Variants in AUTS2 observed in about 807,000 individuals in gnomAD.
The protein encoded by AUTS2 is autism susceptibility gene 2 protein.
In AUTS2, 17 loss-of-function variants were observed where a neutral mutation model predicts 112.4. The observed-to-expected ratio is 0.15, with a 90% CI of 0.10 to 0.23. The LOEUF is 0.23. AUTS2 is among the 10% of genes least tolerant of loss of function. AUTS2 has a pLI of 1.00. For synonymous variants in AUTS2, 751 were observed against 702.7 expected (o/e 1.07, Z -1.09); for missense variants, 1,510 against 1,701.6 (o/e 0.89, Z 1.98).
At chr7:69,986,275 G>C (rs1057157146) in intron 2 of AUTS2, among the ~76,000 whole-genome samples, 1 of 152,240 alleles carries the variant, frequency 6.6e-6, no homozygotes, top group African/African-American at 2.4e-5. Context: ...ATGCCTAGCA[G>C]TGAGTAAGAA....
chr7:70,771,237 G>A (rs901383293), intron 10 of AUTS2: 1 of 186,820 alleles, frequency 5.4e-6, no homozygotes, highest in Admixed American at 6.1e-5. Flanking sequence ...TTTTTGAAAT[G>A]CATTAAAATC....
Position 70,422,025 on chromosome 7 carries a change from T to C in AUTS2, c.661-13727T>C, listed in dbSNP as rs17141586. 2.1e-3 allele frequency among the ~76,000 whole-genome samples: 322 copies of C among 152,286 alleles called. 1 individual carries two copies. The highest frequency in any genetic ancestry group is 7.5e-3 in the African/African-American group (311 of 41,566). On this transcript the variant is annotated intron_variant, in intron 4 of 18. Transcript: ENST00000342771. Reference sequence around the variant, plus strand: ...ACTGTTTTTGTTGGGTACAGTTTAATTGAAAATCTGTTATGAGTATGAGGA... The same window carrying C: ...ACTGTTTTTGTTGGGTACAGTTTAACTGAAAATCTGTTATGAGTATGAGGA...
chr7:70,289,204 CAT>C (rs1481271811), intron 4 of AUTS2, among the ~76,000 whole-genome samples: 3 of 152,310 alleles, frequency 2.0e-5, no homozygotes, highest in African/African-American at 2.4e-5. Context: ...AATAGGTTAA[CAT>C]GTGTGATTGC....
chr7:69,723,972 T>C (rs1367904507), intron 1 of AUTS2, among the ~76,000 whole-genome samples: 4 of 152,038 alleles, frequency 2.6e-5, no homozygotes, highest in South Asian at 2.1e-4. Context: ...TGGAAGGTGA[T>C]AGATGAGTGG....
chr7:70,491,293 T>C (rs911328180), intron 5 of AUTS2, among the ~76,000 whole-genome samples: 2 of 151,998 alleles, frequency 1.3e-5, no homozygotes, highest in African/African-American at 4.8e-5. Context: ...AACCAGATTC[T>C]GATCCTGGGC....
At chr7:69,807,927 A>G (rs1355091717) in intron 1 of AUTS2, among the ~76,000 whole-genome samples, 1 of 150,976 alleles carries the variant, frequency 6.6e-6, no homozygotes, top group Non-Finnish European at 1.5e-5. Flanking sequence ...AGGGGAGGAG[A>G]ATTAGGCCCA....
At chr7:70,549,451 A>C (rs1439805725) in intron 5 of AUTS2, among the ~76,000 whole-genome samples, 1 of 152,230 alleles carries the variant, frequency 6.6e-6, no homozygotes, top group Non-Finnish European at 1.5e-5. Flanking sequence ...TGAGGAGACA[A>C]AAGAGGCAAC....
At chr7:70,397,350 C>G (rs892242087) in intron 4 of AUTS2, among the ~76,000 whole-genome samples, 1 of 152,090 alleles carries the variant, frequency 6.6e-6, no homozygotes, top group Admixed American at 6.5e-5. Flanking sequence ...CAGGCATGAG[C>G]CACCGAGCCC....
intron 2 of AUTS2, among the ~76,000 whole-genome samples, chr7:70,062,810 GGCA>G (rs1350319350): frequency 6.6e-6 from 1 of 152,190 alleles, no homozygotes; most frequent in Non-Finnish European, 1.5e-5. Flanking sequence ...GGTCAGTTGT[GGCA>G]GTAAACCTGG....
intron 5 of AUTS2, among the ~76,000 whole-genome samples, chr7:70,621,151 C>T (rs1400503269): frequency 1.3e-5 from 2 of 152,230 alleles, no homozygotes; most frequent in East Asian, 3.9e-4. Context: ...TTCCCTGATG[C>T]TCATGAATAG....
At chr7:70,568,851 T>G (rs1801819313) in intron 5 of AUTS2, among the ~76,000 whole-genome samples, 1 of 152,272 alleles carries the variant, frequency 6.6e-6, no homozygotes, top group East Asian at 1.9e-4. Flanking sequence ...AAGCACATTC[T>G]TTTTCACCCT....
At chr7:69,917,010 A>ATT (rs776628160) in intron 2 of AUTS2, among the ~76,000 whole-genome samples, 17 of 152,040 alleles carry the variant, frequency 1.1e-4, no homozygotes, top group Non-Finnish European at 1.2e-4. Flanking sequence ...AAGCCCACAC[A>ATT]TTTTTTTGTT....
intron 1 of AUTS2, among the ~76,000 whole-genome samples, chr7:69,680,023 A>G (rs1247461213): frequency 6.6e-6 from 1 of 152,222 alleles, no homozygotes; most frequent in East Asian, 1.9e-4. Context: ...TTGTCTCTAC[A>G]TAGATACTAC....
chr7:69,756,933 C>T (rs1378524573), intron 1 of AUTS2, among the ~76,000 whole-genome samples: 6 of 152,012 alleles, frequency 3.9e-5, no homozygotes, highest in Non-Finnish European at 8.8e-5. Flanking sequence ...ATAAAGAAAC[C>T]CTTTATTTTG....
At chr7:70,643,100 G>A (rs1465120800) in intron 5 of AUTS2, among the ~76,000 whole-genome samples, 1 of 152,154 alleles carries the variant, frequency 6.6e-6, no homozygotes, top group East Asian at 1.9e-4. Context: ...ATCATTTTCA[G>A]TGATTCCTCA....
intron 4 of AUTS2, among the ~76,000 whole-genome samples, chr7:70,147,480 A>G (rs779155526): frequency 2.6e-5 from 4 of 152,080 alleles, no homozygotes; most frequent in East Asian, 1.9e-4. Context: ...TTGCATTGTT[A>G]TCACTTACCT....
chr7:70,458,797 G>T (rs1279769262), intron 5 of AUTS2, among the ~76,000 whole-genome samples: 2 of 152,224 alleles, frequency 1.3e-5, no homozygotes, highest in African/African-American at 4.8e-5. Context: ...GCTAGATTGT[G>T]TCACCCAGAA....
chr7:69,870,448 A>ATATATATATATATATATATATATATAT lies in AUTS2; in HGVS notation c.310-28838_310-28837insTATATATATATATATATATATATATAT, dbSNP rs1554395050. 1.7e-3 allele frequency among the ~76,000 whole-genome samples: 134 copies of ATATATATATATATATATATATATATAT among 78,962 alleles called. 1 individual carries two copies. The highest frequency in any genetic ancestry group is 2.3e-3 in the Non-Finnish European group (91 of 39,450). 51.8% of individuals were successfully genotyped at this position (78,962 alleles called of 152,430 possible). ...TACATATCTGTGCGTATGTGTGTGT[A>ATATATATATATATATATATATATATAT]ATATATATATATATATATGTATTCA... On this transcript the variant is annotated intron_variant, in intron 1 of 18. Transcript: ENST00000342771.
intron 2 of AUTS2, among the ~76,000 whole-genome samples, chr7:70,008,178 G>C (rs922305754): frequency 1.3e-5 from 2 of 152,130 alleles, no homozygotes; most frequent in African/African-American, 4.8e-5. Context: ...AAAATTGTAT[G>C]AATGTTTTAA....
Sources: allele counts gnomAD v4.1 joint callset (sites outside exome capture counted in the v4.1 genomes callset), GRCh38; gene constraint gnomAD v4.1.1; transcripts MANE v1.5; gene names NCBI Gene and HGNC (gene_info 2026-07-23, HGNC 2026-07-21).